The following NALF1 variants were observed in gnomAD, a reference collection of about 807,000 sequenced individuals.
NALF1 encodes the protein NALCN channel auxiliary factor 1.
NALF1 carries 3 observed loss-of-function variants against 48.4 expected under a neutral mutation model. The ratio of observed to expected loss-of-function variants is 0.06; its 90% CI spans 0.03 to 0.16. The LOEUF (loss-of-function observed/expected upper bound fraction) is 0.16. Among genes scored for constraint, NALF1 ranks in the 10% least tolerant of loss-of-function variants. The pLI, the probability that NALF1 is intolerant of heterozygous loss-of-function variation, is 1.00. For synonymous variants in NALF1, 262 were observed against 245.7 expected, an observed-to-expected ratio of 1.07 and a Z score of -0.62; for missense variants, 526 against 571.5, an observed-to-expected ratio of 0.92 and a Z score of 0.81.
rs191728310 is a variant in NALF1, at chr13:107,203,350, T to G, written c.1087+7234A>C. On this transcript the variant is annotated intron_variant, in intron 2 of 2. Transcript: ENST00000375915. ...CGGGTGTGTGTTATCGCCTCCTGGC[T>G]GTAGAGGAGATCACTACATGCTTTG... Among the ~76,000 whole-genome samples the G allele has an allele frequency of 2.1e-3, 322 of 152,318 alleles. 1 individual carries two copies. The highest frequency in any genetic ancestry group is 7.4e-3 in the African/African-American group (306 of 41,584).
intron 1 of NALF1, among the ~76,000 whole-genome samples, chr13:107,522,375 T>C (rs540523150): frequency 1.3e-5 from 2 of 152,286 alleles, no homozygotes; most frequent in East Asian, 3.9e-4. Context: ...CTCTCCAATA[T>C]AGTTTTAGGT....
intron 1 of NALF1, among the ~76,000 whole-genome samples, chr13:107,268,485 T>C (rs1594097348): frequency 6.6e-6 from 1 of 152,276 alleles, no homozygotes; most frequent in East Asian, 1.9e-4. Flanking sequence ...ATATGATTCT[T>C]GGATTGTATC....
intron 1 of NALF1, among the ~76,000 whole-genome samples, chr13:107,700,105 TC>T (rs1315854277): frequency 6.6e-6 from 1 of 151,634 alleles, no homozygotes; most frequent in Non-Finnish European, 1.5e-5. Flanking sequence ...TTCAATGCAG[TC>T]CCTATCAGAA....
At chr13:107,818,827 G>T (rs550064927) in intron 1 of NALF1, among the ~76,000 whole-genome samples, 6 of 123,606 alleles carry the variant, frequency 4.9e-5, no homozygotes, top group Admixed American at 8.8e-5. Context: ...AGCCGAGATC[G>T]CGCCACTGCA....
At chr13:107,340,495 T>TTCTG (rs1566489762) in intron 1 of NALF1, among the ~76,000 whole-genome samples, 12 of 138,434 alleles carry the variant, frequency 8.7e-5, no homozygotes, top group African/African-American at 1.4e-4. Flanking sequence ...CTTTTTGTCT[T>TTCTG]TCTTTCTTTC....
chr13:107,781,602 A>C (rs1877890198), intron 1 of NALF1, among the ~76,000 whole-genome samples: 1 of 151,812 alleles, frequency 6.6e-6, no homozygotes, highest in South Asian at 2.1e-4. Context: ...TCACTTAAAA[A>C]TGTATCAGCA....
intron 1 of NALF1, among the ~76,000 whole-genome samples, chr13:107,556,348 T>G (rs201311115): frequency 0.13 from 18,568 of 147,372 alleles, 1,359 homozygotes; most frequent in East Asian, 0.17. Flanking sequence ...CATATATATA[T>G]ATAGAGAGAG....
At chr13:107,815,218 A>T (rs890522825) in intron 1 of NALF1, among the ~76,000 whole-genome samples, 6 of 152,172 alleles carry the variant, frequency 3.9e-5, no homozygotes, top group African/African-American at 1.2e-4. Flanking sequence ...TCTAAAAGAC[A>T]ACCCAAAGAG....
rs573899285 is a variant in NALF1 at position 107,706,992 on chromosome 13, G to A, written c.915+158690C>T. 2.5e-4 allele frequency among the ~76,000 whole-genome samples: 31 copies of A among 126,078 alleles called. No individual in the cohort carries two copies. In the Admixed American group the frequency reaches 2.9e-3, roughly 12 times the overall value. 82.7% of individuals were successfully genotyped at this position (126,078 alleles called of 152,430 possible). ...GGCTGGAGTGCAGTGGCGTGATCTC[G>A]GCTCACTGCAAGCTCCGCCTCCCGG... On this transcript the variant is annotated intron_variant, in intron 1 of 2. Coordinates refer to ENST00000375915, the MANE Select transcript of NALF1 (RefSeq NM_001080396.3).
chr13:107,800,419 A>C (rs1878570044), intron 1 of NALF1, among the ~76,000 whole-genome samples: 1 of 151,826 alleles, frequency 6.6e-6, no homozygotes, highest in Admixed American at 6.6e-5. Flanking sequence ...AAATGAATTT[A>C]AATATAGTAA....
chr13:107,664,776 T>C (rs1215247060), intron 1 of NALF1, among the ~76,000 whole-genome samples: 1 of 152,216 alleles, frequency 6.6e-6, no homozygotes, highest in Non-Finnish European at 1.5e-5. Flanking sequence ...TGAGATACTA[T>C]ACATTCATCC....
chr13:107,477,708 T>C (rs751662979), intron 1 of NALF1, among the ~76,000 whole-genome samples: 5 of 152,044 alleles, frequency 3.3e-5, no homozygotes, highest in Non-Finnish European at 7.4e-5. Context: ...TAAAATAATT[T>C]TTAAGAGCAT....
intron 1 of NALF1, among the ~76,000 whole-genome samples, chr13:107,752,687 A>G (rs887058130): frequency 6.6e-6 from 1 of 152,198 alleles, no homozygotes; most frequent in African/African-American, 2.4e-5. Context: ...GTTTATTTCT[A>G]AGCCCTTCCA....
intron 1 of NALF1, among the ~76,000 whole-genome samples, chr13:107,565,932 G>A (rs1261028145): frequency 6.6e-6 from 1 of 152,126 alleles, no homozygotes; most frequent in African/African-American, 2.4e-5. Flanking sequence ...GTTTAAAACA[G>A]AAACGAAATG....
chr13:107,173,924 C>T lies in NALF1; in HGVS notation c.1088-3138G>A, dbSNP rs548081980. Among the ~76,000 whole-genome samples the T allele has an allele frequency of 1.7e-3, 264 of 152,298 alleles. 1 individual carries two copies. The highest frequency in any genetic ancestry group is 5.9e-3 in the African/African-American group (245 of 41,572). On this transcript the variant is annotated intron_variant, in intron 2 of 2. Coordinates refer to ENST00000375915, the MANE Select transcript of NALF1 (RefSeq NM_001080396.3). Reference sequence around the variant, plus strand: ...CTGTTAATATTTCATATTACTTCATCCCTTAACTCTGCTTTCAGGGAATTT... The same window carrying T: ...CTGTTAATATTTCATATTACTTCATTCCTTAACTCTGCTTTCAGGGAATTT...
At chr13:107,393,460 G>A (rs936481348) in intron 1 of NALF1, among the ~76,000 whole-genome samples, 2 of 152,112 alleles carry the variant, frequency 1.3e-5, no homozygotes, top group African/African-American at 4.8e-5. Flanking sequence ...TCTTTGCTCT[G>A]AGACACGAAC....
chr13:107,396,609 T>A (rs528946355), intron 1 of NALF1, among the ~76,000 whole-genome samples: 1 of 152,334 alleles, frequency 6.6e-6, no homozygotes, highest in East Asian at 1.9e-4. Context: ...CAGCTTGTCA[T>A]GGAAACAAGC....
chr13:107,857,289 G>A (rs905699245), intron 1 of NALF1, among the ~76,000 whole-genome samples: 3 of 152,192 alleles, frequency 2.0e-5, no homozygotes, highest in Non-Finnish European at 4.4e-5. Flanking sequence ...TAAATGCCGA[G>A]TGAAGTAGAG....
chr13:107,280,294 T>C (rs1482970965), intron 1 of NALF1, among the ~76,000 whole-genome samples: 1 of 152,214 alleles, frequency 6.6e-6, no homozygotes, highest in African/African-American at 2.4e-5. Context: ...CTCTGAAATT[T>C]CAAGGCTTGT....
Sources: gnomAD v4.1 joint callset for allele counts (sites outside exome capture counted in the v4.1 genomes callset) on GRCh38, gnomAD v4.1.1 for gene constraint, MANE v1.5 for transcripts, NCBI Gene and HGNC (gene_info 2026-07-23, HGNC 2026-07-21) for gene names.